PHLPP1: variants seen among roughly 807,000 people sequenced by gnomAD.
PHLPP1 encodes PH domain and leucine rich repeat protein phosphatase 1.
In PHLPP1, 42 loss-of-function variants were observed where a neutral mutation model predicts 117.2. The ratio of observed to expected loss-of-function variants is 0.36; its 90% CI spans 0.28 to 0.46. The LOEUF (loss-of-function observed/expected upper bound fraction) is 0.46, where lower values mean the gene tolerates loss of function less well. Ranked by LOEUF, PHLPP1 falls within the 20% of genes least tolerant of loss-of-function variation. PHLPP1 has a pLI of 1.00. For synonymous variants in PHLPP1, 1,042 were observed against 970.7 expected, an observed-to-expected ratio of 1.07 and a Z score of -1.37; for missense variants, 2,084 against 2,241.9, an observed-to-expected ratio of 0.93 and a Z score of 1.42.
At chr18:62,765,926 A>C (rs1243037074) in intron 1 of PHLPP1, among the ~76,000 whole-genome samples, 1 of 150,306 alleles carries the variant, frequency 6.7e-6, no homozygotes, top group Non-Finnish European at 1.5e-5. Flanking sequence ...TGAACCTGGG[A>C]GGCGGAACTT....
intron 1 of PHLPP1, among the ~76,000 whole-genome samples, chr18:62,776,078 A>G (rs1292215213): frequency 2.0e-5 from 3 of 152,090 alleles, no homozygotes. Flanking sequence ...AAAAATATAT[A>G]TATAAAGAAG....
intron 1 of PHLPP1, among the ~76,000 whole-genome samples, chr18:62,761,144 C>T (rs966889269): frequency 6.6e-6 from 1 of 152,078 alleles, no homozygotes; most frequent in East Asian, 1.9e-4. Context: ...GGATTACAGA[C>T]ATGAGCCACT....
intron 8 of PHLPP1, among the ~76,000 whole-genome samples, chr18:62,905,756 T>G (rs1324420377): frequency 6.6e-6 from 1 of 152,218 alleles, no homozygotes; most frequent in Non-Finnish European, 1.5e-5. Flanking sequence ...TAGGAAATAA[T>G]GACAAAGCCT....
intron 10 of PHLPP1, among the ~76,000 whole-genome samples, chr18:62,926,936 G>A (rs1027397087): frequency 2.6e-5 from 4 of 152,148 alleles, no homozygotes; most frequent in Non-Finnish European, 5.9e-5. Flanking sequence ...TGTGTCAAGC[G>A]ACGGCAGATT....
At chr18:62,876,164 AT>A (rs1265450206) in intron 4 of PHLPP1, among the ~76,000 whole-genome samples, 2 of 152,168 alleles carry the variant, frequency 1.3e-5, no homozygotes, top group Non-Finnish European at 2.9e-5. Context: ...GTAAGAGAGG[AT>A]TTGAAGTTGG....
At chr18:62,894,181 T>C in intron 4 of PHLPP1, among the ~76,000 whole-genome samples, 1 of 152,154 alleles carries the variant, frequency 6.6e-6, no homozygotes, top group Non-Finnish European at 1.5e-5. Flanking sequence ...AAGTACTGTA[T>C]TGAGATCGAC....
intron 1 of PHLPP1, among the ~76,000 whole-genome samples, chr18:62,823,592 T>TTATGTATCTACATAAATA (rs1555674859): frequency 2.0e-5 from 3 of 147,266 alleles, no homozygotes; most frequent in African/African-American, 7.6e-5. Flanking sequence ...TCTACATATA[T>TTATGTATCTACATAAATA]TATATATCTA....
chr18:62,769,298 A>G (rs1912671545), intron 1 of PHLPP1, among the ~76,000 whole-genome samples: 1 of 152,202 alleles, frequency 6.6e-6, no homozygotes, highest in South Asian at 2.1e-4. Flanking sequence ...GAATGTTCTT[A>G]AAGAGGATTT....
chr18:62,957,356 C>A (rs1361295408), intron 12 of PHLPP1, among the ~76,000 whole-genome samples: 1 of 152,076 alleles, frequency 6.6e-6, no homozygotes, highest in African/African-American at 2.4e-5. Flanking sequence ...ACCAACATGA[C>A]CCTTTTGTGA....
chr18:62,940,455 C>T (rs957202035), intron 10 of PHLPP1, among the ~76,000 whole-genome samples: 2 of 143,556 alleles, frequency 1.4e-5, no homozygotes, highest in African/African-American at 5.2e-5. Context: ...AGCTCTGCCT[C>T]CTGGGTTCAC....
rs879398373 is a variant in PHLPP1, at chr18:62,735,606, A to AACAACAACAAC, written c.1576+18349_1576+18350insAACAACAACAC. ...ACAACAACAACAACAACAACAACAA[A>AACAACAACAAC]ACCAGTTGACCACCCTCTTGGTTTT... On this transcript the variant is annotated intron_variant, in intron 1 of 16. Transcript: ENST00000262719. 5.9e-5 allele frequency among the ~76,000 whole-genome samples: 8 copies of AACAACAACAAC among 135,098 alleles called. 1 individual carries two copies. Among genetic ancestry groups the AACAACAACAAC allele is most frequent in the Non-Finnish European group, 5.0e-5 (3 of 59,970 alleles). 88.6% of individuals were successfully genotyped at this position (135,098 alleles called of 152,430 possible).
At chr18:62,854,844 C>A (rs1228143358) in intron 3 of PHLPP1, among the ~76,000 whole-genome samples, 1 of 151,874 alleles carries the variant, frequency 6.6e-6, no homozygotes, top group Non-Finnish European at 1.5e-5. Flanking sequence ...TTACAGGCAC[C>A]CACCACCACG....
intron 1 of PHLPP1, among the ~76,000 whole-genome samples, chr18:62,732,804 G>A (rs1911264105): frequency 6.6e-6 from 1 of 152,150 alleles, no homozygotes; most frequent in Non-Finnish European, 1.5e-5. Flanking sequence ...GTTGATTTAT[G>A]GATGATAATG....
At chr18:62,912,924 A>G (rs186853265) in intron 8 of PHLPP1, among the ~76,000 whole-genome samples, 58 of 152,302 alleles carry the variant, frequency 3.8e-4, no homozygotes, top group Middle Eastern at 6.8e-3. Flanking sequence ...CCCGGCCCAG[A>G]TGTATTTTCA....
chr18:62,821,433 C>T (rs1914450474), intron 1 of PHLPP1, among the ~76,000 whole-genome samples: 2 of 151,304 alleles, frequency 1.3e-5, no homozygotes, highest in African/African-American at 4.9e-5. Context: ...CCTGTAGTCC[C>T]AGCTACTTGG....
intron 1 of PHLPP1, among the ~76,000 whole-genome samples, chr18:62,783,475 G>A (rs772085111): frequency 3.3e-5 from 5 of 151,822 alleles, no homozygotes; most frequent in Non-Finnish European, 7.4e-5. Flanking sequence ...TGATCTGCCC[G>A]CCTTGGCCTC....
intron 1 of PHLPP1, among the ~76,000 whole-genome samples, chr18:62,757,821 G>A (rs891551508): frequency 5.3e-5 from 8 of 152,178 alleles, no homozygotes; most frequent in Non-Finnish European, 1.2e-4. Context: ...TTGCAGACCT[G>A]TGTGAACAAC....
chr18:62,847,075 G>C (rs1915200359), intron 3 of PHLPP1, among the ~76,000 whole-genome samples: 1 of 152,112 alleles, frequency 6.6e-6, no homozygotes, highest in South Asian at 2.1e-4. Context: ...AAATGGCAAA[G>C]ATACCTAGTT....
chr18:62,740,622 A>C (rs557652858), intron 1 of PHLPP1, among the ~76,000 whole-genome samples: 1 of 152,344 alleles, frequency 6.6e-6, no homozygotes, highest in Admixed American at 6.5e-5. Context: ...GCTAGATGCC[A>C]AGATTTTAAA....
Sources: gnomAD v4.1 joint callset for allele counts (sites outside exome capture counted in the v4.1 genomes callset) on GRCh38, gnomAD v4.1.1 for gene constraint, MANE v1.5 for transcripts, NCBI Gene and HGNC (gene_info 2026-07-23, HGNC 2026-07-21) for gene names.